The following MDM4 variants were observed in gnomAD, a reference collection of about 807,000 sequenced individuals.
The protein encoded by MDM4 is protein Mdm4.
MDM4 carries 2 observed loss-of-function variants against 60.2 expected under a neutral mutation model. The observed-to-expected ratio is 0.03, with a 90% confidence interval of 0.01 to 0.10. The LOEUF (loss-of-function observed/expected upper bound fraction) is 0.10. Ranked by LOEUF, MDM4 falls within the 10% of genes least tolerant of loss-of-function variation. MDM4 has a pLI of 1.00. For synonymous variants in MDM4, 202 were observed against 198.1 expected, an observed-to-expected ratio of 1.02 and a Z score of -0.17; for missense variants, 447 against 577.5, an observed-to-expected ratio of 0.77 and a Z score of 2.32.
At chr1:204,546,685 A>G (rs575153986) in intron 9 of MDM4, 112 bp from the exon 10 acceptor site, 3 of 673,036 alleles carry the variant, frequency 4.5e-6, no homozygotes. Flanking sequence ...AGTGCTAGAG[A>G]TGGGAGAAGA....
chr1:204,518,328 T>A (rs1391577610), intron 1 of MDM4, among the ~76,000 whole-genome samples: 6 of 152,338 alleles, frequency 3.9e-5, no homozygotes, highest in Non-Finnish European at 7.4e-5. Flanking sequence ...GTTGGTTTTT[T>A]AAGATTCTAT....
chr1:204,543,409 C>T (rs1662330909), intron 8 of MDM4, among the ~76,000 whole-genome samples: 1 of 152,188 alleles, frequency 6.6e-6, no homozygotes, highest in Non-Finnish European at 1.5e-5. Flanking sequence ...ATTCAGCCCC[C>T]TCCTTCCTCA....
intron 1 of MDM4, among the ~76,000 whole-genome samples, chr1:204,523,473 ATTTTTTT>A (rs60954516): frequency 3.4e-4 from 20 of 58,968 alleles, no homozygotes; most frequent in African/African-American, 4.6e-4. Flanking sequence ...CCTAAAAAAA[ATTTTTTT>A]TTTTTTTTTT....
intron 1 of MDM4, among the ~76,000 whole-genome samples, chr1:204,518,161 AAG>A (rs769597725): frequency 6.6e-6 from 1 of 152,132 alleles, no homozygotes; most frequent in African/African-American, 2.4e-5. Flanking sequence ...GTCTCAAAAA[AAG>A]AGATGAGGTC....
intron 6 of MDM4, 66 bp from the exon 7 acceptor site, chr1:204,538,143 G>A (rs1661606474): frequency 3.4e-6 from 3 of 870,548 alleles, no homozygotes; most frequent in Non-Finnish European, 3.9e-6. Flanking sequence ...AGCCAGAATG[G>A]AACTGCTACA....
At chr1:204,537,202 T>C (rs1049136521) in intron 5 of MDM4, among the ~76,000 whole-genome samples, 3 of 152,232 alleles carry the variant, frequency 2.0e-5, no homozygotes, top group African/African-American at 7.2e-5. Flanking sequence ...CTGTTTTTTT[T>C]CCCGATTATA....
intron 1 of MDM4, 70 bp from the exon 2 acceptor site, chr1:204,525,414 C>G: frequency 2.0e-6 from 3 of 1,479,252 alleles, no homozygotes; most frequent in Non-Finnish European, 2.7e-6. Context: ...TGCTGGTTGC[C>G]TTTGTGTGAA....
chr1:204,538,053 T>C, intron 6 of MDM4, 156 bp from the exon 7 acceptor site: 1 of 769,126 alleles, frequency 1.3e-6, no homozygotes. Context: ...TGAGGAGAGG[T>C]GTTGCCTTTA....
chr1:204,543,981 A>C (rs1662391075), intron 8 of MDM4, among the ~76,000 whole-genome samples: 1 of 152,238 alleles, frequency 6.6e-6, no homozygotes, highest in Non-Finnish European at 1.5e-5. Context: ...TGTGCAAAAT[A>C]ATAAATTGTC....
chr1:204,525,329 T>C (rs534127886), intron 1 of MDM4, 155 bp from the exon 2 acceptor site: 505 of 985,074 alleles, frequency 5.1e-4, no homozygotes, highest in African/African-American at 2.4e-3. Flanking sequence ...TCAGAAGATA[T>C]GCAGAACCTC....
At chr1:204,525,628 GTT>G (rs139769069) in intron 2 of MDM4, 32 bp downstream of exon 2, 649 of 1,107,564 alleles carry the variant, frequency 5.9e-4, no homozygotes, top group Middle Eastern at 6.8e-4. Flanking sequence ...TAGTTTTTTG[GTT>G]TTTTTTTTTT....
chr1:204,544,750 CT>C, intron 9 of MDM4, 66 bp downstream of exon 9: 2 of 1,435,586 alleles, frequency 1.4e-6, no homozygotes, highest in Non-Finnish European at 1.9e-6. Context: ...GTTGAGATTT[CT>C]TTGTATCTGT....
At chr1:204,545,332 C>CG (rs1553326248) in intron 9 of MDM4, among the ~76,000 whole-genome samples, 1 of 152,110 alleles carries the variant, frequency 6.6e-6, no homozygotes, top group African/African-American at 2.4e-5. Flanking sequence ...AGATTGAACT[C>CG]TGAGTACATA....
In MDM4 at chr1:204,553,655, G is replaced by A. The variant is rs528577765; in HGVS notation, c.*3973G>A. 4.4e-6 allele frequency: 1 copy of A among 227,610 alleles called. No individual in the cohort carries two copies. Among genetic ancestry groups the A allele is most frequent in the South Asian group, 1.8e-4 (1 of 5,490 alleles). 14.1% of individuals were successfully genotyped at this position (227,610 alleles called of 1,614,324 possible). On this transcript the variant is annotated 3_prime_UTR_variant, in exon 11 of 11. Coordinates refer to ENST00000367182, the MANE Select transcript of MDM4 (RefSeq NM_002393.5). ...TTAATATTTATGATTGTTATCTTGG[G>A]CGAAAAGTTCAGAGCAGAGATGACA...
rs1009772111 is a variant in MDM4 at position 204,550,061 on chromosome 1, G to T, written c.*379G>T. ...CCCAAAAAAGCAATAGAATGTTTCT[G>T]TCACCCCAAAACACTCCCTTCTGCC... On this transcript the variant is annotated 3_prime_UTR_variant, in exon 11 of 11. Coordinates refer to ENST00000367182, the MANE Select transcript of MDM4 (RefSeq NM_002393.5). 1.7e-5 allele frequency: 4 copies of T among 237,942 alleles called. No individual in the cohort carries two copies. The highest frequency in any genetic ancestry group is 3.3e-5 in the Non-Finnish European group (4 of 121,808). 14.7% of individuals were successfully genotyped at this position (237,942 alleles called of 1,614,324 possible).
At chr1:204,544,894 A>C (rs911100702) in intron 9 of MDM4, among the ~76,000 whole-genome samples, 1 of 152,004 alleles carries the variant, frequency 6.6e-6, no homozygotes, top group Non-Finnish European at 1.5e-5. Context: ...GCAGTAAGCT[A>C]CTCTTTTTTC....
chr1:204,536,994 C>A, intron 5 of MDM4: 1 of 348,846 alleles, frequency 2.9e-6, no homozygotes, highest in South Asian at 2.3e-5. Flanking sequence ...TCCCATAACC[C>A]TGTATGACTT....
chr1:204,549,913 G>C lies in MDM4; in HGVS notation c.*231G>C, dbSNP rs967026051. On this transcript the variant is annotated 3_prime_UTR_variant, in exon 11 of 11. Transcript: ENST00000367182. ...TATGCAGCAGTCAGGTACATAGTTA[G>C]GTGAACCCAAAAGAAAAACTCTTGA... 8.0e-6 allele frequency: 3 copies of C among 373,716 alleles called. No individual in the cohort carries two copies. The highest frequency in any genetic ancestry group is 9.3e-5 in the South Asian group (1 of 10,706). The allele number at this position is 373,716 out of a possible 1,614,324, so 23.1% of individuals were successfully genotyped here.
intron 3 of MDM4, among the ~76,000 whole-genome samples, chr1:204,528,284 A>T (rs940156001): frequency 6.6e-6 from 1 of 152,162 alleles, no homozygotes; most frequent in African/African-American, 2.4e-5. Flanking sequence ...ATGCCCAGGG[A>T]ACAGATTTGT....
Sources: allele counts gnomAD v4.1 joint callset (sites outside exome capture counted in the v4.1 genomes callset), GRCh38; gene constraint gnomAD v4.1.1; transcripts MANE v1.5; gene names NCBI Gene and HGNC (gene_info 2026-07-23, HGNC 2026-07-21).